RFX7: variants seen among roughly 807,000 people sequenced by gnomAD.
RFX7 encodes the protein regulatory factor X7.
In RFX7, 26 loss-of-function variants were observed where a neutral mutation model predicts 111.8. The ratio of observed to expected loss-of-function variants is 0.23; its 90% confidence interval spans 0.17 to 0.32. The LOEUF (loss-of-function observed/expected upper bound fraction) is 0.32, where lower values mean the gene tolerates loss of function less well. RFX7 is among the 10% of genes least tolerant of loss of function. The pLI is 1.00. For synonymous variants in RFX7, 624 were observed against 624.4 expected, an observed-to-expected ratio of 1.00 and a Z score of 0.01; for missense variants, 1,573 against 1,772.9, an observed-to-expected ratio of 0.89 and a Z score of 2.02.
chr15:56,186,302 C>G (rs1230495177), intron 2 of RFX7, among the ~76,000 whole-genome samples: 1 of 152,152 alleles, frequency 6.6e-6, no homozygotes, highest in East Asian at 1.9e-4. Flanking sequence ...CTAGACATTC[C>G]TATGAACATT....
intron 5 of RFX7, among the ~76,000 whole-genome samples, chr15:56,105,678 A>G (rs748940560): frequency 4.1e-5 from 6 of 148,046 alleles, no homozygotes; most frequent in Non-Finnish European, 5.9e-5. Flanking sequence ...ACTTTGGCAG[A>G]AGGGGTAGGA....
At chr15:56,163,643 A>T (rs1338987475) in intron 3 of RFX7, among the ~76,000 whole-genome samples, 1 of 152,218 alleles carries the variant, frequency 6.6e-6, no homozygotes, top group African/African-American at 2.4e-5. Context: ...TTTAAAATAG[A>T]GTAATCAAGG....
At position 56,144,632 on chromosome 15, in the gene RFX7, C is replaced by T. The variant is rs574407573; in HGVS notation, c.196-149G>A. 6.6e-4 allele frequency: 191 copies of T among 290,168 alleles called. 1 individual carries two copies. Among genetic ancestry groups the T allele is most frequent in the Admixed American group, 3.5e-3 (87 of 25,058 alleles). The allele number at this position is 290,168 out of a possible 1,614,324, so 18.0% of individuals were successfully genotyped here. On this transcript the variant is annotated intron_variant, in intron 3 of 9. Coordinates refer to ENST00000559447, the MANE Select transcript of RFX7 (RefSeq NM_022841.7). The stretch of plus-strand genomic sequence containing the variant: ...GTCTTTTCTCATCACTAAAATAATA[C>T]AATGAGGTTATTTGATAAATTTATT...
At chr15:56,136,591 A>G (rs1225635729) in intron 5 of RFX7, among the ~76,000 whole-genome samples, 3 of 150,754 alleles carry the variant, frequency 2.0e-5, no homozygotes, top group Non-Finnish European at 4.4e-5. Context: ...CTCTTTTCCT[A>G]ATTGAATACC....
At chr15:56,196,054 C>T (rs1041977031) in intron 2 of RFX7, among the ~76,000 whole-genome samples, 1 of 152,198 alleles carries the variant, frequency 6.6e-6, no homozygotes, top group South Asian at 2.1e-4. Flanking sequence ...TATTTGATTA[C>T]TAGATCATAT....
intron 5 of RFX7, among the ~76,000 whole-genome samples, chr15:56,138,426 T>C (rs1198763018): frequency 6.7e-6 from 1 of 150,104 alleles, no homozygotes; most frequent in Non-Finnish European, 1.5e-5. Flanking sequence ...TATCAGAGAA[T>C]AGTATTGCAA....
In RFX7 at chr15:56,206,830, G is replaced by C. The variant is rs368043677; in HGVS notation, c.162-27527C>G. Among the ~76,000 whole-genome samples, 2 of 149,588 alleles carry C rather than the reference G, an allele frequency of 1.3e-5. 1 individual carries two copies. On this transcript the variant is annotated intron_variant, in intron 2 of 9. Coordinates refer to ENST00000559447, the MANE Select transcript of RFX7 (RefSeq NM_022841.7). ...GAATTCATGGGGAGAAAGTGAGAGAGAGAGAAGAAGGATGGCTACCAGAGG... is the reference window on the plus strand; with the variant it reads ...GAATTCATGGGGAGAAAGTGAGAGACAGAGAAGAAGGATGGCTACCAGAGG...
At chr15:56,133,046 T>G (rs2042239834) in intron 5 of RFX7, among the ~76,000 whole-genome samples, 1 of 152,136 alleles carries the variant, frequency 6.6e-6, no homozygotes, top group Admixed American at 6.5e-5. Context: ...TTTCAGATAG[T>G]GAGATTACAG....
At position 56,093,351 on chromosome 15, in the gene RFX7, C is replaced by T. The variant is rs745477187; in HGVS notation, c.4377G>A (p.Leu1459=). ...ACATGTTATAAAACACAATTTAACCCAACATTTCAACAGTAGGATGGTCCT... is the reference window on the plus strand; with the variant it reads ...ACATGTTATAAAACACAATTTAACCTAACATTTCAACAGTAGGATGGTCCT... ...ESKDHPTVEM[L]G is the part of the protein sequence containing the mutation. Residue 1459 remains leucine (L), a synonymous_variant, in exon 10 of 10, where the codon TTG becomes TTA. Coordinates refer to ENST00000559447, the MANE Select transcript of RFX7 (RefSeq NM_022841.7). 2.5e-6 allele frequency: 4 copies of T among 1,603,782 alleles called. No homozygotes were observed. The highest frequency in any genetic ancestry group is 1.1e-5 in the South Asian group (1 of 89,104).
chr15:56,112,379 C>CAAAAAAAAAAAAAAAAAAAAAAAAAT (rs71110374), intron 5 of RFX7, among the ~76,000 whole-genome samples: 2 of 71,768 alleles, frequency 2.8e-5, no homozygotes, highest in Non-Finnish European at 5.1e-5. Context: ...GAGTACAAAT[C>CAAAAAAAAAAAAAAAAAAAAAAAAAT]AAAAAAAAAA....
At chr15:56,146,277 T>A (rs553000072) in intron 3 of RFX7, among the ~76,000 whole-genome samples, 3 of 152,222 alleles carry the variant, frequency 2.0e-5, no homozygotes, top group African/African-American at 7.2e-5. Flanking sequence ...TTTTAATTTA[T>A]TTTTTGTAGC....
chr15:56,128,877 T>C lies in RFX7; in HGVS notation c.401+13901A>G, dbSNP rs1416161456. Among the ~76,000 whole-genome samples, 3 of 152,008 alleles carry C rather than the reference T, an allele frequency of 2.0e-5. No homozygotes were observed. In the East Asian group the frequency reaches 5.8e-4, roughly 29 times the overall value. On this transcript the variant is annotated intron_variant, in intron 5 of 9. Transcript: ENST00000559447. The stretch of plus-strand genomic sequence containing the variant: ...AAAATTGCAGGATACGAGATCAATA[T>C]ACAAAATCACTCTTATTTCTATATA...
At position 56,144,442 on chromosome 15, in the gene RFX7, G is replaced by C. The variant is rs750923849; in HGVS notation, c.237C>G (p.Leu79=). ...EKFTDLEKLY[L]YLQLPSGLSN... ...TGAGACCAGAAGGCAGCTGAAGGTA[G>C]AGGTAGAGTTTCTCTAGGTCTGTAA... Residue 79 remains leucine (L), a synonymous_variant, in exon 4 of 10, where the codon CTC becomes CTG. Transcript: ENST00000559447. The C allele has an allele frequency of 1.8e-5, 24 of 1,366,096 alleles. No homozygotes were observed. Among genetic ancestry groups the C allele is most frequent in the Non-Finnish European group, 2.2e-5 (22 of 1,020,508 alleles). 84.6% of individuals were successfully genotyped at this position (1,366,096 alleles called of 1,614,324 possible). A position where few individuals can be genotyped will look rare whatever the true frequency, so the allele number is the denominator to read the frequency against.
In RFX7 at chr15:56,134,592, C is replaced by T. The variant is rs1323859235; in HGVS notation, c.401+8186G>A. 1.1e-4 allele frequency among the ~76,000 whole-genome samples: 10 copies of T among 91,532 alleles called. No individual in the cohort carries two copies. In the Admixed American group the frequency reaches 1.4e-3, roughly 13 times the overall value. The allele number at this position is 91,532 out of a possible 152,430, so 60.0% of individuals were successfully genotyped here. A position where few individuals can be genotyped will look rare whatever the true frequency, so the allele number is the denominator to read the frequency against. On this transcript the variant is annotated intron_variant, in intron 5 of 9. Transcript: ENST00000559447. The stretch of plus-strand genomic sequence containing the variant: ...TTTAAATTGTAGCCTATCTAAATCA[C>T]TTTCTTTTTTTTTTTTTTTTACTTT...
intron 8 of RFX7, among the ~76,000 whole-genome samples, chr15:56,098,866 G>C (rs1567006415): frequency 6.6e-6 from 1 of 152,186 alleles, no homozygotes; most frequent in Non-Finnish European, 1.5e-5. Flanking sequence ...GAATAAATTT[G>C]TATGGAGAAA....
intron 2 of RFX7, among the ~76,000 whole-genome samples, chr15:56,221,440 A>T (rs564339284): frequency 1.3e-5 from 2 of 152,262 alleles, no homozygotes; most frequent in South Asian, 4.1e-4. Context: ...AAATCTTTAT[A>T]TTTAAATATA....
chr15:56,116,631 C>T (rs1019570243), intron 5 of RFX7, among the ~76,000 whole-genome samples: 16 of 152,032 alleles, frequency 1.1e-4, no homozygotes, highest in East Asian at 7.7e-4. Context: ...CCGCAGAAGA[C>T]GATACCCAGT....
chr15:56,110,139 TG>T (rs1234326427), intron 5 of RFX7, among the ~76,000 whole-genome samples: 1 of 111,614 alleles, frequency 9.0e-6, no homozygotes, highest in Non-Finnish European at 1.8e-5. Flanking sequence ...GGGAGGGAGG[TG>T]GGGGGGTCAG....
intron 3 of RFX7, among the ~76,000 whole-genome samples, chr15:56,146,240 G>A (rs1465770470): frequency 6.6e-6 from 1 of 152,014 alleles, no homozygotes; most frequent in East Asian, 1.9e-4. Context: ...TGGGGCCAGA[G>A]GTGCGTGCCA....
Sources: gnomAD v4.1 joint callset for allele counts (sites outside exome capture counted in the v4.1 genomes callset) on GRCh38, gnomAD v4.1.1 for gene constraint, MANE v1.5 for transcripts, NCBI Gene and HGNC (gene_info 2026-07-23, HGNC 2026-07-21) for gene names.